The following CCSER1 variants were observed in gnomAD, a reference collection of about 807,000 sequenced individuals.
CCSER1 encodes the protein serine-rich coiled-coil domain-containing protein 1.
CCSER1 carries 41 observed loss-of-function variants against 82.0 expected under a neutral mutation model. The ratio of observed to expected loss-of-function variants is 0.50; its 90% confidence interval spans 0.39 to 0.65. The LOEUF (loss-of-function observed/expected upper bound fraction) is 0.65, where lower values mean the gene tolerates loss of function less well. Ranked by LOEUF, CCSER1 falls within the 30% of genes least tolerant of loss-of-function variation. The pLI is 0.00. For missense variants in CCSER1, 1,119 were observed against 1,064.2 expected (o/e 1.05, Z -0.72); for synonymous variants, 414 against 383.9 (o/e 1.08, Z -0.92).
At chr4:91,415,764 G>T (rs532054540) in intron 10 of CCSER1, among the ~76,000 whole-genome samples, 1 of 152,228 alleles carries the variant, frequency 6.6e-6, no homozygotes, top group Admixed American at 6.5e-5. Context: ...AAGCCAATTT[G>T]ATTGTGTTAT....
At chr4:90,170,109 A>G (rs1387172232) in intron 1 of CCSER1, among the ~76,000 whole-genome samples, 1 of 151,826 alleles carries the variant, frequency 6.6e-6, no homozygotes, top group African/African-American at 2.4e-5. Context: ...CAGCATCTTG[A>G]CTCCTATGCA....
intron 10 of CCSER1, among the ~76,000 whole-genome samples, chr4:91,261,150 G>A (rs893112680): frequency 3.9e-5 from 6 of 152,126 alleles, no homozygotes; most frequent in African/African-American, 1.4e-4. Flanking sequence ...CCAACACATG[G>A]CAATTTTTTT....
chr4:90,658,895 A>G (rs1324028112), intron 6 of CCSER1, among the ~76,000 whole-genome samples: 4 of 152,204 alleles, frequency 2.6e-5, no homozygotes, highest in East Asian at 3.9e-4. Flanking sequence ...CTGTAGTTAT[A>G]TAGTTTAAGT....
intron 9 of CCSER1, among the ~76,000 whole-genome samples, chr4:91,027,293 T>C (rs1170182996): frequency 2.0e-5 from 3 of 152,060 alleles, no homozygotes; most frequent in African/African-American, 7.2e-5. Flanking sequence ...CACATAATCC[T>C]AAAATTAGGA....
At chr4:90,368,074 A>G (rs1397476087) in intron 3 of CCSER1, among the ~76,000 whole-genome samples, 1 of 151,992 alleles carries the variant, frequency 6.6e-6, no homozygotes, top group Non-Finnish European at 1.5e-5. Context: ...CCCCTCAGAA[A>G]AAATTATGAA....
chr4:91,244,708 T>A (rs541502303), intron 10 of CCSER1, among the ~76,000 whole-genome samples: 1 of 152,234 alleles, frequency 6.6e-6, no homozygotes, highest in South Asian at 2.1e-4. Flanking sequence ...AATATCTAAC[T>A]CTTCAATGCC....
intron 10 of CCSER1, among the ~76,000 whole-genome samples, chr4:91,292,893 C>A (rs1743863252): frequency 6.6e-6 from 1 of 151,948 alleles, no homozygotes; most frequent in African/African-American, 2.4e-5. Flanking sequence ...GTACCCCTCT[C>A]ATTATGATCT....
At chr4:90,247,306 C>T (rs780229897) in intron 1 of CCSER1, among the ~76,000 whole-genome samples, 4 of 152,096 alleles carry the variant, frequency 2.6e-5, no homozygotes, top group African/African-American at 4.8e-5. Flanking sequence ...ATTCTTATCT[C>T]GTACAGAGTT....
At chr4:90,344,524 A>G (rs1336264805) in intron 3 of CCSER1, among the ~76,000 whole-genome samples, 1 of 152,134 alleles carries the variant, frequency 6.6e-6, no homozygotes, top group Non-Finnish European at 1.5e-5. Flanking sequence ...AATAAACCCA[A>G]TAGATATTAA....
intron 1 of CCSER1, among the ~76,000 whole-genome samples, chr4:90,166,326 G>T (rs889908286): frequency 6.6e-6 from 1 of 151,854 alleles, no homozygotes; most frequent in Non-Finnish European, 1.5e-5. Flanking sequence ...TTAATGGTGA[G>T]TTTATCAGGG....
At chr4:90,808,828 T>C (rs62314127) in intron 7 of CCSER1, among the ~76,000 whole-genome samples, 51,731 of 152,052 alleles carry the variant, frequency 0.34, 9,009 homozygotes, top group East Asian at 0.42. Flanking sequence ...GAAAATATTA[T>C]GGAGATTTCT....
chr4:90,203,022 A>C (rs1001633744), intron 1 of CCSER1, among the ~76,000 whole-genome samples: 2 of 152,182 alleles, frequency 1.3e-5, no homozygotes, highest in Admixed American at 6.5e-5. Flanking sequence ...TAAAATTTTC[A>C]GCAGTTTTAA....
At chr4:90,375,802 T>A (rs139136400) in intron 3 of CCSER1, among the ~76,000 whole-genome samples, 1 of 152,152 alleles carries the variant, frequency 6.6e-6, no homozygotes, top group African/African-American at 2.4e-5. Context: ...ACACATACCA[T>A]TTGCTGGCTG....
chr4:90,709,061 GA>G (rs1313762487), intron 6 of CCSER1, among the ~76,000 whole-genome samples: 1 of 151,876 alleles, frequency 6.6e-6, no homozygotes, highest in Non-Finnish European at 1.5e-5. Context: ...ACATTATACA[GA>G]AAAAATGGAA....
Position 91,537,930 on chromosome 4 carries a change from C to A in CCSER1, c.2218-60642C>A, listed in dbSNP as rs540307573. ...ACAGGATGTGCCCTGGTTCTATATT[C>A]TTTAATTTTACTTTTTGAATGCAAG... On this transcript the variant is annotated intron_variant, in intron 10 of 10. Coordinates refer to ENST00000509176, the MANE Select transcript of CCSER1 (RefSeq NM_001145065.2). Among the ~76,000 whole-genome samples the A allele has an allele frequency of 1.3e-4, 20 of 151,910 alleles. No individual in the cohort carries two copies. The South Asian group carries it at 4.2e-3, about 32-fold the overall frequency.
intron 8 of CCSER1, among the ~76,000 whole-genome samples, chr4:90,887,701 G>A (rs955641829): frequency 1.3e-5 from 2 of 152,112 alleles, no homozygotes; most frequent in Non-Finnish European, 2.9e-5. Context: ...GGCCAACATG[G>A]TGTAACCCTG....
At chr4:91,104,807 C>A (rs1725442749) in intron 10 of CCSER1, among the ~76,000 whole-genome samples, 1 of 152,172 alleles carries the variant, frequency 6.6e-6, no homozygotes, top group Admixed American at 6.5e-5. Context: ...GCTCTTTACT[C>A]TGCTTATCCC....
intron 10 of CCSER1, among the ~76,000 whole-genome samples, chr4:91,242,203 G>T (rs1739428076): frequency 6.6e-6 from 1 of 152,176 alleles, no homozygotes; most frequent in South Asian, 2.1e-4. Context: ...AGATTCTGAG[G>T]TGGGAAACTC....
intron 10 of CCSER1, among the ~76,000 whole-genome samples, chr4:91,499,532 A>G (rs1032952469): frequency 6.6e-6 from 1 of 151,874 alleles, no homozygotes; most frequent in Admixed American, 6.6e-5. Flanking sequence ...GGTGGTGCAG[A>G]TTCTGTGGGT....
Sources: gnomAD v4.1 joint callset for allele counts (sites outside exome capture counted in the v4.1 genomes callset) on GRCh38, gnomAD v4.1.1 for gene constraint, MANE v1.5 for transcripts, NCBI Gene and HGNC (gene_info 2026-07-23, HGNC 2026-07-21) for gene names.